UCHL3: variants seen among roughly 807,000 people sequenced by gnomAD.
UCHL3 encodes ubiquitin carboxyl-terminal hydrolase isozyme L3.
In UCHL3, 22 loss-of-function variants were observed where a neutral mutation model predicts 35.8. The observed-to-expected ratio is 0.61, with a 90% confidence interval of 0.44 to 0.88. UCHL3 has a LOEUF of 0.88. UCHL3 is among the 40% of genes least tolerant of loss of function. The pLI is 0.00. For missense variants in UCHL3, 229 were observed against 276.9 expected, an observed-to-expected ratio of 0.83 and a Z score of 1.23; for synonymous variants, 90 against 92.8, an observed-to-expected ratio of 0.97 and a Z score of 0.17.
chr13:75,603,366 G>A (rs1381244378), intron 7 of UCHL3, among the ~76,000 whole-genome samples: 3 of 152,162 alleles, frequency 2.0e-5, no homozygotes, highest in Admixed American at 1.3e-4. Flanking sequence ...GCTGTTGCAT[G>A]TGCCTGCAGT....
At chr13:75,572,957 A>G (rs1247234223) in intron 6 of UCHL3, among the ~76,000 whole-genome samples, 2 of 152,062 alleles carry the variant, frequency 1.3e-5, no homozygotes, top group Non-Finnish European at 2.9e-5. Flanking sequence ...TATTTTTCTG[A>G]TCATCTCATT....
At chr13:75,593,297 T>A (rs6562913) in intron 6 of UCHL3, among the ~76,000 whole-genome samples, 117,171 of 151,964 alleles carry the variant, frequency 0.77, 45,942 homozygotes, top group Middle Eastern at 0.88. Context: ...AAAATTGGAC[T>A]CTCTTCTGAT....
At chr13:75,575,516 A>G (rs1361336464) in intron 6 of UCHL3, among the ~76,000 whole-genome samples, 4 of 152,216 alleles carry the variant, frequency 2.6e-5, no homozygotes, top group Non-Finnish European at 1.5e-5. Context: ...GAGTTGCTAC[A>G]GAAGTTTGAT....
At chr13:75,584,912 C>T (rs2032281610) in intron 6 of UCHL3, among the ~76,000 whole-genome samples, 1 of 151,972 alleles carries the variant, frequency 6.6e-6, no homozygotes, top group South Asian at 2.1e-4. Context: ...CCCAAACTTA[C>T]TCACAAAGGG....
chr13:75,602,858 G>T (rs558290423), intron 7 of UCHL3, among the ~76,000 whole-genome samples: 76 of 152,210 alleles, frequency 5.0e-4, no homozygotes, highest in African/African-American at 1.7e-3. Context: ...AGACTGTACG[G>T]TTTTGACATT....
chr13:75,596,214 G>A (rs892130577), intron 7 of UCHL3, among the ~76,000 whole-genome samples: 1 of 152,154 alleles, frequency 6.6e-6, no homozygotes, highest in Admixed American at 6.5e-5. Flanking sequence ...TATCAAAGGG[G>A]ACAAGGAAAA....
chr13:75,582,098 C>T (rs1051567741), intron 6 of UCHL3, among the ~76,000 whole-genome samples: 5 of 144,758 alleles, frequency 3.5e-5, no homozygotes, highest in African/African-American at 1.3e-4. Context: ...TGGCTTTGGG[C>T]AAGTCAAGTA....
intron 7 of UCHL3, among the ~76,000 whole-genome samples, chr13:75,597,742 G>A (rs2032681261): frequency 6.6e-6 from 1 of 152,146 alleles, no homozygotes; most frequent in Non-Finnish European, 1.5e-5. Flanking sequence ...ATGGAGAGAT[G>A]ACTGTAACTT....
chr13:75,579,577 CT>C (rs1359557484), intron 6 of UCHL3, among the ~76,000 whole-genome samples: 1 of 151,882 alleles, frequency 6.6e-6, no homozygotes, highest in Non-Finnish European at 1.5e-5. Flanking sequence ...CATTTCTCTC[CT>C]TTCCTCCCCC....
rs1351912746 is a variant in UCHL3 at position 75,562,798 on chromosome 13, T to A, written c.183+1917T>A. On this transcript the variant is annotated intron_variant, in intron 3 of 8. Coordinates refer to ENST00000377595, the MANE Select transcript of UCHL3 (RefSeq NM_006002.5). ...AAGGAAGAACACAGTTCTAAAGTAT[T>A]TGCGTAAGTAAATTTGTACTTACAT... Among the ~76,000 whole-genome samples, 6 of 152,238 alleles carry A rather than the reference T, an allele frequency of 3.9e-5. No individual in the cohort carries two copies. The East Asian group carries it at 9.6e-4, about 24-fold the overall frequency.
At chr13:75,571,776 T>A (rs1365721395) in intron 6 of UCHL3, among the ~76,000 whole-genome samples, 4 of 152,170 alleles carry the variant, frequency 2.6e-5, no homozygotes, top group Non-Finnish European at 4.4e-5. Flanking sequence ...TGCTGTGTAC[T>A]CCCATAAGAA....
At chr13:75,553,090 C>A (rs955875785) in intron 2 of UCHL3, among the ~76,000 whole-genome samples, 2 of 152,188 alleles carry the variant, frequency 1.3e-5, no homozygotes, top group African/African-American at 4.8e-5. Flanking sequence ...TAGAGGTCAT[C>A]TGCTGGCTTA....
intron 3 of UCHL3, among the ~76,000 whole-genome samples, chr13:75,561,301 C>T (rs1266561269): frequency 6.6e-6 from 1 of 152,064 alleles, no homozygotes; most frequent in African/African-American, 2.4e-5. Context: ...AACAAATGAT[C>T]CCCTTCTTGC....
At position 75,595,000 on chromosome 13, in the gene UCHL3, ATT is replaced by A. The variant is rs760398789; in HGVS notation, c.550+13_550+14del. 11 of 1,586,276 alleles carry A rather than the reference ATT, an allele frequency of 6.9e-6. No individual in the cohort carries two copies. The East Asian group carries it at 2.5e-4, about 36-fold the overall frequency. On this transcript the variant is annotated intron_variant, in intron 7 of 8. Coordinates refer to ENST00000377595, the MANE Select transcript of UCHL3 (RefSeq NM_006002.5). ...CATCTCTATGAATTAGGTAAGAACT[ATT>A]TTAATTTGTCCTGGGGAGAGAAATG...
At chr13:75,558,874 A>G (rs2031383030) in intron 2 of UCHL3, among the ~76,000 whole-genome samples, 1 of 152,160 alleles carries the variant, frequency 6.6e-6, no homozygotes, top group East Asian at 1.9e-4. Flanking sequence ...TGGTTTTTAG[A>G]TAGAATTGAA....
At chr13:75,552,744 T>C (rs924507454) in intron 2 of UCHL3, among the ~76,000 whole-genome samples, 11 of 152,232 alleles carry the variant, frequency 7.2e-5, no homozygotes, top group African/African-American at 2.7e-4. Context: ...AGCTTGCAGC[T>C]GAAAGTTACA....
chr13:75,605,637 A>G, intron 8 of UCHL3, 92 bp from the exon 9 acceptor site: 2 of 1,265,418 alleles, frequency 1.6e-6, no homozygotes. Flanking sequence ...GCAGTGTAAA[A>G]TTAGTATGAA....
At chr13:75,558,211 G>C (rs189506395) in intron 2 of UCHL3, among the ~76,000 whole-genome samples, 18 of 152,186 alleles carry the variant, frequency 1.2e-4, no homozygotes. Flanking sequence ...CATGATTCTG[G>C]TTAAAATTTA....
In UCHL3 at chr13:75,569,476, A is replaced by T; in HGVS notation, c.443A>T (p.His148Leu). The change falls in exon 6 of 9, where the codon CAT becomes CTT. Residue 148 changes from histidine to leucine, a missense_variant. By Grantham distance (99) the His-to-Leu change is moderately conservative (BLOSUM62 -3). Coordinates refer to ENST00000377595, the MANE Select transcript of UCHL3 (RefSeq NM_006002.5). ...LENYDAIRVTHETSAHEGQTE... is the reference protein window; with the variant it reads ...LENYDAIRVTLETSAHEGQTE... ...TTATTACAGGCCATCCGAGTTACTC[A>T]TGAGACCAGTGCCCATGAAGGTCAG... 6.2e-7 allele frequency: 1 copy of T among 1,610,824 alleles called. No homozygotes were observed. Among genetic ancestry groups the T allele is most frequent in the Non-Finnish European group, 8.5e-7 (1 of 1,178,908 alleles).
Sources: allele counts gnomAD v4.1 joint callset (sites outside exome capture counted in the v4.1 genomes callset), GRCh38; gene constraint gnomAD v4.1.1; transcripts MANE v1.5; gene names NCBI Gene and HGNC (gene_info 2026-07-23, HGNC 2026-07-21).